Variants in RASEF observed in about 807,000 individuals in gnomAD.
RASEF encodes the protein ras and EF-hand domain-containing protein.
RASEF carries 68 observed loss-of-function variants against 90.1 expected under a neutral mutation model. That is an observed-to-expected ratio of 0.75 (90% CI 0.62 to 0.92). The LOEUF is 0.92. Among genes scored for constraint, RASEF ranks in the 40% least tolerant of loss-of-function variants. The pLI is 0.00. For missense variants in RASEF, 949 were observed against 937.2 expected, an observed-to-expected ratio of 1.01 and a Z score of -0.16; for synonymous variants, 331 against 345.2, an observed-to-expected ratio of 0.96 and a Z score of 0.46.
the RASEF span, among the ~76,000 whole-genome samples, chr9:83,099,155 C>G: frequency 6.6e-6 from 1 of 152,164 alleles, no homozygotes; most frequent in Admixed American, 6.5e-5. Flanking sequence ...CATTATTATG[C>G]TGTAATATTC....
chr9:83,172,618 G>T, the RASEF span, among the ~76,000 whole-genome samples: 25,820 of 151,606 alleles, frequency 0.17, 2,394 homozygotes, highest in Non-Finnish European at 0.21. Context: ...ATGACACAAT[G>T]AAAAGAAACA....
At chr9:83,141,297 T>C in the RASEF span, among the ~76,000 whole-genome samples, 5 of 151,850 alleles carry the variant, frequency 3.3e-5, no homozygotes, top group African/African-American at 1.2e-4. Context: ...ATTGGTGAGA[T>C]CAGAGACCAA....
At chr9:83,075,197 A>G in the RASEF span, among the ~76,000 whole-genome samples, 1 of 152,164 alleles carries the variant, frequency 6.6e-6, no homozygotes, top group Non-Finnish European at 1.5e-5. Flanking sequence ...CTTCCAGCAA[A>G]TTCCAACTTA....
At chr9:83,181,808 A>T in the RASEF span, among the ~76,000 whole-genome samples, 1 of 152,212 alleles carries the variant, frequency 6.6e-6, no homozygotes, top group South Asian at 2.1e-4. Flanking sequence ...TTTAGGAAAA[A>T]GTAGGGAGTA....
At chr9:82,997,279 C>T (rs151289786) in intron 13 of RASEF, among the ~76,000 whole-genome samples, 153 bp from the exon 14 acceptor site, 71 of 152,212 alleles carry the variant, frequency 4.7e-4, no homozygotes, top group African/African-American at 1.4e-3. Flanking sequence ...TCAAAGGTCT[C>T]GAATGACCCA....
chr9:83,177,738 T>C, the RASEF span, among the ~76,000 whole-genome samples: 42,656 of 152,010 alleles, frequency 0.28, 6,013 homozygotes, highest in Admixed American at 0.31. Context: ...TCTTTTCGTA[T>C]TTATCCCATT....
In RASEF at chr9:83,062,548, C is replaced by T. The variant is rs1587532403; in HGVS notation, c.320G>A (p.Gly107Asp). ...PETHDSEEDEGDEDAAAALAT... is the reference protein window; with the variant it reads ...PETHDSEEDEDDEDAAAALAT... Reference sequence around the variant, plus strand: ...CAGCGCCGCCGCCGCGTCCTCGTCGCCTTCGTCCTCCTCGCTGTCGTGTGT... The same window carrying T: ...CAGCGCCGCCGCCGCGTCCTCGTCGTCTTCGTCCTCCTCGCTGTCGTGTGT... The change falls in exon 1 of 17, where the codon GGC (glycine) becomes GAC (aspartate). Residue 107 changes from glycine (G) to aspartate (D), a missense_variant. This residue lies in a region of RASEF where 656 missense variants were observed against 592.2 expected (regional missense o/e 1.11). Transcript: ENST00000376447. 3 of 1,602,728 alleles carry T rather than the reference C, an allele frequency of 1.9e-6. No homozygotes were observed. Among genetic ancestry groups the T allele is most frequent in the Non-Finnish European group, 1.7e-6 (2 of 1,175,006 alleles).
At chr9:83,159,894 G>A in the RASEF span, among the ~76,000 whole-genome samples, 30,683 of 152,072 alleles carry the variant, frequency 0.2, 3,244 homozygotes, top group African/African-American at 0.26. Context: ...CACTGTTCTC[G>A]TGATAGTGAG....
the RASEF span, among the ~76,000 whole-genome samples, chr9:83,178,136 C>T: frequency 2.6e-5 from 4 of 152,076 alleles, no homozygotes; most frequent in Non-Finnish European, 4.4e-5. Context: ...GTGAGTTCTT[C>T]GAGTTGTTCA....
the RASEF span, among the ~76,000 whole-genome samples, chr9:83,209,552 C>T: frequency 1.3e-5 from 2 of 152,182 alleles, no homozygotes; most frequent in East Asian, 1.9e-4. Context: ...TGGGGTGGAG[C>T]GAGTCACAGT....
At chr9:83,146,300 A>T in the RASEF span, among the ~76,000 whole-genome samples, 1 of 152,054 alleles carries the variant, frequency 6.6e-6, no homozygotes, top group African/African-American at 2.4e-5. Flanking sequence ...GATCATCCCT[A>T]AGGGTCCTTC....
At chr9:83,201,471 A>G in the RASEF span, among the ~76,000 whole-genome samples, 451 of 152,346 alleles carry the variant, frequency 3.0e-3, 3 homozygotes, top group Non-Finnish European at 3.9e-3. Context: ...TAGTAAGTGG[A>G]TTCTGGAGGC....
the RASEF span, among the ~76,000 whole-genome samples, chr9:83,147,451 C>T: frequency 3.9e-5 from 6 of 152,244 alleles, no homozygotes; most frequent in South Asian, 6.2e-4. Flanking sequence ...TCCCTGACCC[C>T]CTTACAGAAC....
intron 2 of RASEF, among the ~76,000 whole-genome samples, chr9:83,023,971 G>A (rs1267118601): frequency 2.6e-5 from 4 of 152,192 alleles, no homozygotes; most frequent in African/African-American, 9.7e-5. Context: ...CTGGTGAAAT[G>A]TCTGCCCACT....
At chr9:83,119,986 C>T in the RASEF span, among the ~76,000 whole-genome samples, 13 of 152,310 alleles carry the variant, frequency 8.5e-5, no homozygotes, top group East Asian at 3.9e-4. Flanking sequence ...AAGAAGAACG[C>T]GTGCTTGTAA....
At chr9:83,059,070 A>C (rs545976378) in intron 1 of RASEF, among the ~76,000 whole-genome samples, 1 of 152,270 alleles carries the variant, frequency 6.6e-6, no homozygotes, top group Admixed American at 6.5e-5. Context: ...CAGTGGTTCC[A>C]GTGCCAGCTG....
chr9:83,055,385 G>A (rs957803884), intron 1 of RASEF: 32 of 494,784 alleles, frequency 6.5e-5, no homozygotes, highest in Non-Finnish European at 9.9e-5. Context: ...GTGAGGCAAT[G>A]CCTCGCCCTG....
At chr9:83,215,828 A>G in the RASEF span, among the ~76,000 whole-genome samples, 7 of 152,324 alleles carry the variant, frequency 4.6e-5, no homozygotes, top group South Asian at 1.5e-3. Flanking sequence ...TCTAGGGCTC[A>G]GAAGACAGGA....
intron 1 of RASEF, among the ~76,000 whole-genome samples, chr9:83,044,309 G>C (rs1250220013): frequency 6.6e-6 from 1 of 152,178 alleles, no homozygotes; most frequent in African/African-American, 2.4e-5. Context: ...ATGTTTGTGT[G>C]GCTTGCTGGA....
Sources: allele counts gnomAD v4.1 joint callset (sites outside exome capture counted in the v4.1 genomes callset), GRCh38; gene constraint gnomAD v4.1.1; regional missense constraint gnomAD v4.1.1; transcripts MANE v1.5; gene names NCBI Gene and HGNC (gene_info 2026-07-23, HGNC 2026-07-21).